The following CFAP251 variants were observed in gnomAD, a reference collection of about 807,000 sequenced individuals.
The protein encoded by CFAP251 is cilia and flagella associated protein 251, also known as cilia- and flagella-associated protein 251.
Under a neutral mutation model 126.7 loss-of-function variants are expected in CFAP251, and 93 were observed. That is an observed-to-expected ratio of 0.73 (90% CI 0.62 to 0.87). The LOEUF (loss-of-function observed/expected upper bound fraction) is 0.87. Ranked by LOEUF, CFAP251 falls within the 40% of genes least tolerant of loss-of-function variation. The pLI is 0.00. For missense variants in CFAP251, 1,287 were observed against 1,389.2 expected (o/e 0.93, Z 1.17); for synonymous variants, 503 against 506.9 (o/e 0.99, Z 0.10).
At chr12:121,997,353 A>C (rs1185387088) in intron 19 of CFAP251, 1 of 150,894 alleles carries the variant, frequency 6.6e-6, no homozygotes, top group African/African-American at 2.4e-5. Context: ...AGCCTCCCAA[A>C]ATGCTGAGAT....
chr12:121,971,712 T>A, intron 17 of CFAP251: 1 of 680,876 alleles, frequency 1.5e-6, no homozygotes, highest in Non-Finnish European at 2.7e-6. Context: ...TAACAAACAT[T>A]CATTACAGGA....
At chr12:121,953,903 A>G (rs1399791449) in intron 9 of CFAP251, 3 of 545,776 alleles carry the variant, frequency 5.5e-6, no homozygotes, top group Non-Finnish European at 9.7e-6. Flanking sequence ...ATGTAATTGA[A>G]CAGAGTACAT....
intron 15 of CFAP251, among the ~76,000 whole-genome samples, 200 bp downstream of exon 15, chr12:121,962,362 T>A (rs1881969859): frequency 6.6e-6 from 1 of 152,168 alleles, no homozygotes; most frequent in Non-Finnish European, 1.5e-5. Flanking sequence ...AGGTGAGATG[T>A]GCAGAATCCA....
intron 3 of CFAP251, among the ~76,000 whole-genome samples, chr12:121,927,488 G>A (rs550038706): frequency 1.5e-4 from 23 of 152,180 alleles, no homozygotes; most frequent in Non-Finnish European, 2.5e-4. Flanking sequence ...GTAGACACAG[G>A]GTTTCGCCAT....
chr12:121,993,577 G>A (rs1022786452), intron 19 of CFAP251, among the ~76,000 whole-genome samples: 13 of 141,834 alleles, frequency 9.2e-5, no homozygotes, highest in Non-Finnish European at 1.5e-4. Flanking sequence ...TCTCTGCCCG[G>A]CCGCCCATCG....
chr12:121,942,813 T>G, intron 6 of CFAP251, 82 bp from the exon 7 acceptor site: 3 of 1,494,510 alleles, frequency 2.0e-6, no homozygotes, highest in Non-Finnish European at 2.8e-6. Context: ...ACTTGAAGTT[T>G]TGGGGTCACC....
chr12:121,960,609 T>A lies in CFAP251; in HGVS notation c.2158T>A (p.Tyr720Asn), dbSNP rs777794603. The change falls in exon 14 of 22, where the codon TAC becomes AAC. Residue 720 changes from tyrosine (Y) to asparagine (N), a missense_variant. Physicochemically the swap from Tyr to Asn is moderately radical, Grantham distance 143 (BLOSUM62 -2). Transcript: ENST00000288912. The stretch of plus-strand genomic sequence containing the variant: ...GGATAGAAGTTTTACTGTGGCTGTT[T>A]ACATGCTGGTGGTCAGAAATGGACA... ...TADRSFTVAV[Y>N]MLVVRNGQRV... 6.2e-7 allele frequency: 1 copy of A among 1,614,214 alleles called. No individual in the cohort carries two copies. Among genetic ancestry groups the A allele is most frequent in the South Asian group, 1.1e-5 (1 of 91,082 alleles).
At chr12:121,966,232 C>T (rs1882128484) in intron 15 of CFAP251, among the ~76,000 whole-genome samples, 1 of 28,872 alleles carries the variant, frequency 3.5e-5, no homozygotes, top group Non-Finnish European at 6.6e-5. Flanking sequence ...CCCTCCCCTC[C>T]CCTCCCCTTC....
At chr12:121,967,242 T>C (rs1188961300) in intron 16 of CFAP251, among the ~76,000 whole-genome samples, 173 bp downstream of exon 16, 1 of 152,224 alleles carries the variant, frequency 6.6e-6, no homozygotes, top group African/African-American at 2.4e-5. Flanking sequence ...GGAAGACTCT[T>C]GGGAGACATT....
chr12:121,927,711 T>A (rs2135747830), intron 3 of CFAP251, among the ~76,000 whole-genome samples: 1 of 152,282 alleles, frequency 6.6e-6, no homozygotes, highest in South Asian at 2.1e-4. Flanking sequence ...CTCTCCTGTG[T>A]CCACAGCATC....
At position 121,954,322 on chromosome 12, in the gene CFAP251, C is replaced by T. The variant is rs767221965; in HGVS notation, c.1523C>T (p.Thr508Ile). 1 of 1,609,252 alleles carries T rather than the reference C, an allele frequency of 6.2e-7. No individual in the cohort carries two copies. ...CAGAAAGAGGGTATCACGGTACTTA[C>T]CACAATTGATAGGTAATTTTAACTT... ...HLQKEGITVLTTIDSYIVTGD... is the reference protein window; with the variant it reads ...HLQKEGITVLITIDSYIVTGD... Residue 508 changes from threonine (T) to isoleucine (I), a missense_variant, in exon 10 of 22, where the codon ACC becomes ATC. Thr to Ile is a moderately conservative substitution (Grantham distance 89). Coordinates refer to ENST00000288912, the MANE Select transcript of CFAP251 (RefSeq NM_144668.6).
At chr12:121,972,704 G>A (rs1706826330) in intron 17 of CFAP251, among the ~76,000 whole-genome samples, 1 of 152,216 alleles carries the variant, frequency 6.6e-6, no homozygotes, top group South Asian at 2.1e-4. Context: ...TAGCCAGGAT[G>A]GTCTTGATCT....
At chr12:121,963,511 C>T (rs1349397132) in intron 15 of CFAP251, among the ~76,000 whole-genome samples, 2 of 151,006 alleles carry the variant, frequency 1.3e-5, no homozygotes, top group Non-Finnish European at 2.9e-5. Flanking sequence ...GGACACCAGC[C>T]GGGGAGCAGG....
At position 121,923,852 on chromosome 12, in the gene CFAP251, A is replaced by G; in HGVS notation, c.609A>G (p.Pro203=). The change falls in exon 3 of 22, where the codon CCA becomes CCG. Residue 203 remains proline (P), a synonymous_variant. Coordinates refer to ENST00000288912, the MANE Select transcript of CFAP251 (RefSeq NM_144668.6). ...GACAAGAAAGAAGGGACTTGGAGCCAGAAAACAGAGAGGAGGGACAAGAAA... is the reference window on the plus strand; with the variant it reads ...GACAAGAAAGAAGGGACTTGGAGCCGGAAAACAGAGAGGAGGGACAAGAAA... ...ELGQERRDLE[P]ENREEGQERR... is the part of the protein sequence containing the mutation. The G allele has an allele frequency of 6.2e-7, 1 of 1,614,206 alleles. No individual in the cohort carries two copies. The highest frequency in any genetic ancestry group is 8.5e-7 in the Non-Finnish European group (1 of 1,180,044).
At position 121,934,244 on chromosome 12, in the gene CFAP251, T is replaced by C; in HGVS notation, c.889-3T>C. 1.2e-6 allele frequency: 2 copies of C among 1,612,580 alleles called. No homozygotes were observed. The highest frequency in any genetic ancestry group is 1.7e-6 in the Non-Finnish European group (2 of 1,179,330). On this transcript the variant is annotated splice_region_variant and splice_polypyrimidine_tract_variant and intron_variant, in intron 4 of 21. Coordinates refer to ENST00000288912, the MANE Select transcript of CFAP251 (RefSeq NM_144668.6). ...TCAAAGCGTTTTCTCTCCATTTCCA[T>C]AGGGCCACGCCAATATTATCTCCTG... is the stretch of plus-strand genomic sequence containing the variant.
At chr12:121,952,005 A>G (rs1023318851) in intron 9 of CFAP251, among the ~76,000 whole-genome samples, 1 of 151,956 alleles carries the variant, frequency 6.6e-6, no homozygotes, top group Non-Finnish European at 1.5e-5. Flanking sequence ...TACAGGCGTG[A>G]GCCACTGCAC....
At chr12:121,931,642 C>G (rs991711502) in intron 3 of CFAP251, 104 bp from the exon 4 acceptor site, 1 of 1,195,722 alleles carries the variant, frequency 8.4e-7, no homozygotes, top group East Asian at 2.9e-5. Context: ...TTCCTCTTCA[C>G]TGAACTGTTG....
Position 121,962,170 on chromosome 12 carries a change from C to T in CFAP251, c.2492+8C>T. On this transcript the variant is annotated splice_region_variant and intron_variant, in intron 15 of 21. Transcript: ENST00000288912. ...TACTACCAAAATGTGCAGGTAAGCA[C>T]CCGGAGCTTCCCATTGCAGGGGGCG... 1 of 1,610,778 alleles carries T rather than the reference C, an allele frequency of 6.2e-7. No homozygotes were observed. The highest frequency in any genetic ancestry group is 2.2e-5 in the East Asian group (1 of 44,880).
chr12:121,966,008 G>A (rs1322465147), intron 15 of CFAP251, among the ~76,000 whole-genome samples: 7 of 151,614 alleles, frequency 4.6e-5, no homozygotes, highest in Non-Finnish European at 2.9e-5. Context: ...GGCTGGACTC[G>A]AACTCCTAAC....
Sources: allele counts gnomAD v4.1 joint callset (sites outside exome capture counted in the v4.1 genomes callset), GRCh38; gene constraint gnomAD v4.1.1; transcripts MANE v1.5; gene names NCBI Gene and HGNC (gene_info 2026-07-23, HGNC 2026-07-21).